USP25: variants seen among roughly 807,000 people sequenced by gnomAD.
The protein encoded by USP25 is ubiquitin carboxyl-terminal hydrolase 25.
USP25 carries 85 observed loss-of-function variants against 158.5 expected under a neutral mutation model. The ratio of observed to expected loss-of-function variants is 0.54; its 90% CI spans 0.45 to 0.64. USP25 has a LOEUF of 0.64. Among genes scored for constraint, USP25 ranks in the 30% least tolerant of loss-of-function variants. USP25 has a pLI of 0.00. For synonymous variants in USP25, 464 were observed against 460.4 expected (o/e 1.01, Z -0.10); for missense variants, 1,242 against 1,327.3 (o/e 0.94, Z 1.00).
intron 20 of USP25, among the ~76,000 whole-genome samples, chr21:15,857,949 A>G (rs1232548087): frequency 6.6e-6 from 1 of 152,036 alleles, no homozygotes; most frequent in Non-Finnish European, 1.5e-5. Flanking sequence ...ATACTAAATC[A>G]TACCTATACT....
chr21:15,766,051 A>G lies in USP25; in HGVS notation c.178A>G (p.Lys60Glu), dbSNP rs1469457645. ...GGCTTTCCTTACTGCGAAGAATGCTAAGACCCCTCAGCAGGAGGAGACAAC... is the reference window on the plus strand; with the variant it reads ...GGCTTTCCTTACTGCGAAGAATGCTGAGACCCCTCAGCAGGAGGAGACAAC... Reference protein sequence around the residue: ...AVAFLTAKNAKTPQQEETTYY... With the variant: ...AVAFLTAKNAETPQQEETTYY... The change falls in exon 3 of 26, where the codon AAG becomes GAG. Residue 60 changes from lysine (K) to glutamate (E), a missense_variant. Physicochemically the swap from Lys to Glu is moderately conservative, Grantham distance 56 (BLOSUM62 1). This residue lies in a region of USP25 where 627 missense variants were observed against 701.4 expected (regional missense o/e 0.89). Transcript: ENST00000400183. This position sits in a 1 kb window ranked among gnomAD's most constrained non-coding sequence, Gnocchi z 4.0. 5 of 1,610,914 alleles carry G rather than the reference A, an allele frequency of 3.1e-6. No homozygotes were observed. Among genetic ancestry groups the G allele is most frequent in the Admixed American group, 1.7e-5 (1 of 59,762 alleles).
rs1013385791 is a variant in USP25, at chr21:15,791,567, G to T, written c.458G>T (p.Arg153Met). 6.2e-7 allele frequency: 1 copy of T among 1,611,678 alleles called. No individual in the cohort carries two copies. Among genetic ancestry groups the T allele is most frequent in the South Asian group, 1.1e-5 (1 of 90,958 alleles). The change falls in exon 5 of 26, where the codon AGG becomes ATG. Residue 153 changes from arginine (R) to methionine (M), a missense_variant. Physicochemically the swap from Arg to Met is moderately conservative, Grantham distance 91. Coordinates refer to ENST00000400183, the MANE Select transcript of USP25 (RefSeq NM_001283041.3). ...CLKRTPTEVW[R>M]DSRNPYDRKR... ...AAGAGGACACCTACAGAAGTTTGGA[G>T]GGATTCTCGAAACCCTTATGATAGA... is the stretch of plus-strand genomic sequence containing the variant.
rs764486242 is a variant in USP25 at position 15,808,874 on chromosome 21, T to C, written c.846T>C (p.Ala282=). The C allele has an allele frequency of 1.2e-6, 2 of 1,610,802 alleles. No homozygotes were observed. The highest frequency in any genetic ancestry group is 1.7e-6 in the Non-Finnish European group (2 of 1,179,024). ...DWLEDAFQMK[A]EEETDEEKPK... ...TAGAAGATGCCTTCCAAATGAAAGC[T>C]GAAGAGGAGACGTAAGTTACCGTGA... Residue 282 remains alanine (A), a synonymous_variant, in exon 8 of 26, where the codon GCT becomes GCC. Transcript: ENST00000400183.
intron 14 of USP25, among the ~76,000 whole-genome samples, chr21:15,829,720 C>G (rs567993896): frequency 1.3e-5 from 2 of 152,168 alleles, no homozygotes; most frequent in South Asian, 4.2e-4. Flanking sequence ...ACATATGCTG[C>G]AGATATTATT....
intron 4 of USP25, among the ~76,000 whole-genome samples, chr21:15,779,802 CAT>C (rs2034861144): frequency 6.6e-6 from 1 of 151,888 alleles, no homozygotes; most frequent in East Asian, 1.9e-4. Flanking sequence ...TTGTAGATGA[CAT>C]AGAGATTCGG....
chr21:15,772,666 T>C (rs889028713), intron 3 of USP25, among the ~76,000 whole-genome samples: 1 of 152,242 alleles, frequency 6.6e-6, no homozygotes, highest in Non-Finnish European at 1.5e-5. Context: ...ATCTGAGCGC[T>C]AGTTTTTATT....
chr21:15,879,439 G>A lies in USP25; in HGVS notation c.*964G>A, dbSNP rs568284965. ...ATTGTATATCACTTTAATTGAAAAT[G>A]TTCTCTACTAATTAATACTGTGAAA... On this transcript the variant is annotated 3_prime_UTR_variant, in exon 26 of 26. Coordinates refer to ENST00000400183, the MANE Select transcript of USP25 (RefSeq NM_001283041.3). 3 of 152,294 alleles carry A rather than the reference G, an allele frequency of 2.0e-5. No homozygotes were observed. Among genetic ancestry groups the A allele is most frequent in the Non-Finnish European group, 4.4e-5 (3 of 67,900 alleles). The allele number at this position is 152,294 out of a possible 1,614,324, so 9.4% of individuals were successfully genotyped here. A position where few individuals can be genotyped will look rare whatever the true frequency, so the allele number is the denominator to read the frequency against.
intron 20 of USP25, among the ~76,000 whole-genome samples, chr21:15,853,869 C>G (rs551340244): frequency 1.3e-5 from 2 of 152,040 alleles, no homozygotes; most frequent in Non-Finnish European, 2.9e-5. Flanking sequence ...TAAGATCATA[C>G]GAGCCTAGCG....
chr21:15,863,986 G>A (rs2039543354), intron 20 of USP25, among the ~76,000 whole-genome samples: 1 of 149,886 alleles, frequency 6.7e-6, no homozygotes, highest in African/African-American at 2.5e-5. Flanking sequence ...GCAGTGAGCC[G>A]AGATCACGCC....
Position 15,843,517 on chromosome 21 carries a change from AT to A in USP25, c.2337+983del, listed in dbSNP as rs2038438934. Among the ~76,000 whole-genome samples, 1 of 152,210 alleles carries A rather than the reference AT, an allele frequency of 6.6e-6. No homozygotes were observed. The highest frequency in any genetic ancestry group is 2.4e-5 in the African/African-American group (1 of 41,466). On this transcript the variant is annotated intron_variant, in intron 18 of 25. Coordinates refer to ENST00000400183, the MANE Select transcript of USP25 (RefSeq NM_001283041.3). This position sits in a 1 kb window ranked among gnomAD's most constrained non-coding sequence, Gnocchi z 4.0. Reference sequence around the variant, plus strand: ...GATGAACTAAATAACAATACAAATTATTTTTTGTTTGAACAATTTTGAAAAT... The same window carrying A: ...GATGAACTAAATAACAATACAAATTATTTTTGTTTGAACAATTTTGAAAAT...
chr21:15,862,182 T>A (rs766145216), intron 20 of USP25, among the ~76,000 whole-genome samples: 1 of 152,140 alleles, frequency 6.6e-6, no homozygotes. Context: ...AAGTATGATA[T>A]ACGAAATATT....
chr21:15,862,457 C>CA (rs1359315443), intron 20 of USP25, among the ~76,000 whole-genome samples: 25 of 151,870 alleles, frequency 1.6e-4, no homozygotes, highest in Non-Finnish European at 2.9e-5. Flanking sequence ...TAGCCTGTGA[C>CA]AATCATTATC....
At chr21:15,833,289 G>A in intron 16 of USP25, 59 bp from the exon 17 acceptor site, 1 of 1,491,088 alleles carries the variant, frequency 6.7e-7, no homozygotes, top group Non-Finnish European at 9.2e-7. Flanking sequence ...TCTATTTTGA[G>A]CTTTGCATTT....
chr21:15,779,263 A>C (rs1358980358), intron 4 of USP25, among the ~76,000 whole-genome samples: 1 of 152,010 alleles, frequency 6.6e-6, no homozygotes, highest in Non-Finnish European at 1.5e-5. Context: ...AAATTATATG[A>C]ATTGGGCTTT....
At chr21:15,868,450 A>G (rs533635672) in intron 22 of USP25, among the ~76,000 whole-genome samples, 1 of 152,268 alleles carries the variant, frequency 6.6e-6, no homozygotes, top group East Asian at 1.9e-4. Flanking sequence ...TGATTCTGCA[A>G]TGCTTCCTTC....
In USP25 at chr21:15,875,647, T is replaced by C. The variant is rs1483246777; in HGVS notation, c.3009+1121T>C. On this transcript the variant is annotated intron_variant, in intron 24 of 25. Coordinates refer to ENST00000400183, the MANE Select transcript of USP25 (RefSeq NM_001283041.3). The surrounding 1 kb of genome is among the most constrained non-coding windows in gnomAD (Gnocchi z 4.7). ...TAAACCTCGTCTGGATCTTGATGGA[T>C]AAATAGAAGTTTTATTCATGATAGA... 6.6e-6 allele frequency among the ~76,000 whole-genome samples: 1 copy of C among 152,160 alleles called. No homozygotes were observed. The highest frequency in any genetic ancestry group is 1.5e-5 in the Non-Finnish European group (1 of 68,026).
rs1200875915 is a variant in USP25, at chr21:15,756,600, T to A, written c.46-6291T>A. On this transcript the variant is annotated intron_variant, in intron 1 of 25. Coordinates refer to ENST00000400183, the MANE Select transcript of USP25 (RefSeq NM_001283041.3). ...GTCACCTGAGAAGGGAAAGAATTTC[T>A]ATGAAACTCTCAGGTTTTTAATTTA... Among the ~76,000 whole-genome samples, 3 of 152,204 alleles carry A rather than the reference T, an allele frequency of 2.0e-5. No individual in the cohort carries two copies. The East Asian group carries it at 5.8e-4, about 29-fold the overall frequency.
intron 5 of USP25, among the ~76,000 whole-genome samples, chr21:15,792,202 A>G (rs1265416413): frequency 6.6e-6 from 1 of 151,450 alleles, no homozygotes; most frequent in Non-Finnish European, 1.5e-5. Flanking sequence ...TTTTTTTACT[A>G]AGAAATCCCT....
intron 1 of USP25, among the ~76,000 whole-genome samples, chr21:15,751,027 A>C (rs1220216775): frequency 6.6e-6 from 1 of 152,218 alleles, no homozygotes; most frequent in Non-Finnish European, 1.5e-5. Flanking sequence ...GAAAGGACAA[A>C]AAGTAGAACA....
Sources: allele counts gnomAD v4.1 joint callset (sites outside exome capture counted in the v4.1 genomes callset), GRCh38; gene constraint gnomAD v4.1.1; regional missense constraint gnomAD v4.1.1; non-coding constraint Gnocchi (gnomAD v3.1); transcripts MANE v1.5; gene names NCBI Gene and HGNC (gene_info 2026-07-23, HGNC 2026-07-21).